The following LATS2 variants were observed in gnomAD, a reference collection of about 807,000 sequenced individuals.
LATS2 encodes the protein large tumor suppressor kinase 2.
In LATS2, 24 loss-of-function variants were observed where a neutral mutation model predicts 76.0. The observed-to-expected ratio is 0.32, with a 90% confidence interval of 0.23 to 0.44. The LOEUF (loss-of-function observed/expected upper bound fraction) is 0.44. LATS2 is among the 20% of genes least tolerant of loss of function. The probability of loss-of-function intolerance (pLI) is 1.00; values close to 1 mark genes in which losing one functional copy is unlikely to be tolerated. For synonymous variants in LATS2, 692 were observed against 635.4 expected (o/e 1.09, Z -1.34); for missense variants, 1,286 against 1,481.2 (o/e 0.87, Z 2.16).
At chr13:20,995,540 G>C (rs184495289) in intron 2 of LATS2, among the ~76,000 whole-genome samples, 77 of 152,326 alleles carry the variant, frequency 5.1e-4, no homozygotes, top group African/African-American at 1.8e-3. Flanking sequence ...TCTGTTCAAT[G>C]AATGATTGAG....
intron 1 of LATS2, among the ~76,000 whole-genome samples, chr13:21,050,438 T>C (rs908517316): frequency 1.3e-5 from 2 of 152,138 alleles, no homozygotes; most frequent in Non-Finnish European, 2.9e-5. Context: ...GACCAGTTTT[T>C]GAACTGTATA....
intron 2 of LATS2, among the ~76,000 whole-genome samples, chr13:21,027,555 T>C (rs1220883700): frequency 6.6e-6 from 1 of 152,154 alleles, no homozygotes; most frequent in Non-Finnish European, 1.5e-5. Flanking sequence ...TAAGTGTGGG[T>C]CTATTTTTGT....
chr13:20,978,783 A>T (rs1441597238), intron 7 of LATS2, among the ~76,000 whole-genome samples: 1 of 152,142 alleles, frequency 6.6e-6, no homozygotes. Context: ...TTTTCTTTAG[A>T]CAGAGTCTCA....
At chr13:21,007,561 A>AC (rs1323491256) in intron 2 of LATS2, among the ~76,000 whole-genome samples, 1 of 17,296 alleles carries the variant, frequency 5.8e-5, no homozygotes, top group African/African-American at 7.0e-4. Flanking sequence ...ATATATATAT[A>AC]TATATATATA....
chr13:20,976,182 C>CT (rs931453922), intron 7 of LATS2, among the ~76,000 whole-genome samples: 2 of 152,136 alleles, frequency 1.3e-5, no homozygotes, highest in Non-Finnish European at 2.9e-5. Context: ...TAGGGGACTT[C>CT]TTTATTGTTT....
intron 2 of LATS2, among the ~76,000 whole-genome samples, chr13:21,022,276 TTGTA>T (rs747688669): frequency 9.9e-5 from 15 of 152,282 alleles, no homozygotes; most frequent in South Asian, 2.1e-4. Context: ...GTGCATGTAT[TTGTA>T]TGTGCATGTG....
At chr13:21,041,029 G>C (rs1872860809) in intron 2 of LATS2, among the ~76,000 whole-genome samples, 1 of 151,652 alleles carries the variant, frequency 6.6e-6, no homozygotes. Context: ...CTGGAGTACA[G>C]TGGCACGATC....
At chr13:21,028,945 A>T (rs190873265) in intron 2 of LATS2, among the ~76,000 whole-genome samples, 1 of 152,332 alleles carries the variant, frequency 6.6e-6, no homozygotes, top group Admixed American at 6.5e-5. Flanking sequence ...GTATCCTGTG[A>T]CCATGCTAAA....
intron 2 of LATS2, among the ~76,000 whole-genome samples, chr13:21,023,936 GCACT>G (rs1872191602): frequency 6.6e-6 from 1 of 151,626 alleles, no homozygotes. Flanking sequence ...TCGCACCATT[GCACT>G]CCAGCCTGGG....
chr13:21,054,481 G>A (rs754694537), intron 1 of LATS2, among the ~76,000 whole-genome samples: 2 of 152,128 alleles, frequency 1.3e-5, no homozygotes, highest in African/African-American at 4.8e-5. Flanking sequence ...GGACTGGGTA[G>A]GATATAGCAG....
In LATS2 at chr13:20,979,730, C is replaced by T. The variant is rs774676269; in HGVS notation, c.2733G>A (p.Pro911=). The T allele has an allele frequency of 4.4e-5, 71 of 1,612,068 alleles. No homozygotes were observed. The highest frequency in any genetic ancestry group is 1.6e-4 in the Middle Eastern group (1 of 6,078). ...CTGTGGGAGTAGGTGCCAAAAAGGG[C>T]GGCTGCCCCACCAGCATCTCGAAGA... ...VILFEMLVGQ[P]PFLAPTPTET... The change falls in exon 7 of 8, where the codon CCG becomes CCA. Residue 911 remains proline (P), a synonymous_variant. Coordinates refer to ENST00000382592, the MANE Select transcript of LATS2 (RefSeq NM_014572.3).
intron 2 of LATS2, among the ~76,000 whole-genome samples, chr13:21,023,646 TAAAAAAAAAAAAAAAA>T (rs1169391710): frequency 1.4e-5 from 1 of 70,052 alleles, no homozygotes; most frequent in African/African-American, 7.5e-5. Flanking sequence ...TGACTGGCTT[TAAAAAAAAAAAAAAAA>T]AAAAAAAAAA....
At chr13:21,043,034 G>A (rs1277820963) in intron 2 of LATS2, among the ~76,000 whole-genome samples, 1 of 147,016 alleles carries the variant, frequency 6.8e-6, no homozygotes, top group African/African-American at 2.5e-5. Flanking sequence ...GGGTAAAGCT[G>A]CAACAATAAG....
intron 1 of LATS2, among the ~76,000 whole-genome samples, chr13:21,050,942 A>AG (rs1489949691): frequency 2.8e-4 from 42 of 152,228 alleles, no homozygotes; most frequent in East Asian, 1.9e-3. Flanking sequence ...CAGCCACGTG[A>AG]GGGGGGGCAG....
At chr13:21,024,110 A>G (rs9552329) in intron 2 of LATS2, among the ~76,000 whole-genome samples, 10,556 of 146,064 alleles carry the variant, frequency 0.072, 839 homozygotes, top group East Asian at 0.4. Flanking sequence ...AAAAAAAAAA[A>G]AAAAAGAAAA....
At chr13:21,012,696 G>T (rs147545133) in intron 2 of LATS2, among the ~76,000 whole-genome samples, 206 of 152,210 alleles carry the variant, frequency 1.4e-3, no homozygotes, top group African/African-American at 4.8e-3. Flanking sequence ...TTTTTTAAGG[G>T]AACGAGCAGA....
intron 2 of LATS2, among the ~76,000 whole-genome samples, chr13:21,007,963 T>C (rs1417019958): frequency 2.7e-5 from 4 of 150,816 alleles, no homozygotes; most frequent in African/African-American, 4.9e-5. Context: ...TTTGCCATGT[T>C]GTCCAGGCTG....
chr13:20,993,734 TG>T (rs2138301754), intron 2 of LATS2, among the ~76,000 whole-genome samples: 1 of 152,252 alleles, frequency 6.6e-6, no homozygotes, highest in East Asian at 1.9e-4. Flanking sequence ...TGACCCCACC[TG>T]GGACAGGAGA....
At chr13:21,043,103 C>T (rs752909480) in intron 2 of LATS2, among the ~76,000 whole-genome samples, 14 of 152,050 alleles carry the variant, frequency 9.2e-5, no homozygotes, top group African/African-American at 2.9e-4. Context: ...GGAGGCCGAA[C>T]GAAGCAGGCA....
Sources: allele counts gnomAD v4.1 joint callset (sites outside exome capture counted in the v4.1 genomes callset), GRCh38; gene constraint gnomAD v4.1.1; transcripts MANE v1.5; gene names NCBI Gene and HGNC (gene_info 2026-07-23, HGNC 2026-07-21).